Variants in STPG2 observed in about 807,000 individuals in gnomAD.
STPG2 encodes sperm-tail PG-rich repeat-containing protein 2.
A neutral mutation model predicts 54.2 loss-of-function variants in STPG2; 56 were observed. The ratio of observed to expected loss-of-function variants is 1.03; its 90% CI spans 0.83 to 1.29. STPG2 has a LOEUF of 1.29. Ranked by LOEUF, STPG2 falls within the 50% of genes most tolerant of loss-of-function variation. STPG2 has a pLI of 0.00. For synonymous variants in STPG2, 200 were observed against 181.8 expected, an observed-to-expected ratio of 1.10 and a Z score of -0.81; for missense variants, 596 against 544.9, an observed-to-expected ratio of 1.09 and a Z score of -0.93.
chr4:97,923,464 G>A (rs1337899018), intron 8 of STPG2, among the ~76,000 whole-genome samples: 1 of 152,260 alleles, frequency 6.6e-6, no homozygotes, highest in Non-Finnish European at 1.5e-5. Flanking sequence ...TGGATCCACT[G>A]GATGAAGCCA....
At chr4:97,676,576 A>AGG (rs1722857546) in intron 10 of STPG2, among the ~76,000 whole-genome samples, 1 of 113,472 alleles carries the variant, frequency 8.8e-6, no homozygotes, top group Admixed American at 1.1e-4. Flanking sequence ...GAAGGAAGGA[A>AGG]AGGAGGGAGG....
At chr4:97,870,604 G>T (rs914200575) in intron 8 of STPG2, among the ~76,000 whole-genome samples, 5 of 151,160 alleles carry the variant, frequency 3.3e-5, no homozygotes, top group African/African-American at 4.8e-5. Flanking sequence ...GGGCTAAAAG[G>T]CAATCTACTA....
At chr4:97,908,705 G>T (rs973107513) in intron 8 of STPG2, among the ~76,000 whole-genome samples, 3 of 151,812 alleles carry the variant, frequency 2.0e-5, no homozygotes, top group Non-Finnish European at 4.4e-5. Context: ...ATGAGTACAT[G>T]TCCTTTGTAG....
At chr4:98,104,250 T>A (rs1009104753) in intron 5 of STPG2, among the ~76,000 whole-genome samples, 6 of 152,130 alleles carry the variant, frequency 3.9e-5, no homozygotes, top group South Asian at 2.1e-4. Context: ...AGCCAAAAAA[T>A]TTGGAATTTA....
chr4:97,989,196 G>A (rs552698626), intron 5 of STPG2, among the ~76,000 whole-genome samples: 2 of 152,076 alleles, frequency 1.3e-5, no homozygotes, highest in African/African-American at 4.8e-5. Context: ...GTTAAGTTCA[G>A]AAGAAAAGAA....
At chr4:97,585,519 T>G (rs1732975508) in intron 10 of STPG2, among the ~76,000 whole-genome samples, 1 of 151,930 alleles carries the variant, frequency 6.6e-6, no homozygotes, top group Non-Finnish European at 1.5e-5. Context: ...AAAAAACTAA[T>G]GTGGCCAAAG....
At chr4:98,126,199 T>C (rs1474716507) in intron 3 of STPG2, among the ~76,000 whole-genome samples, 2 of 152,140 alleles carry the variant, frequency 1.3e-5, no homozygotes, top group Non-Finnish European at 2.9e-5. Context: ...TTCCCTGGCT[T>C]CAGCCCCCTT....
intron 9 of STPG2, among the ~76,000 whole-genome samples, chr4:97,725,258 T>C (rs1281225555): frequency 6.6e-6 from 1 of 151,946 alleles, no homozygotes; most frequent in East Asian, 1.9e-4. Flanking sequence ...TCAGAACTGT[T>C]GCTGAAAGGG....
intron 5 of STPG2, among the ~76,000 whole-genome samples, chr4:98,057,835 C>A (rs988280306): frequency 2.0e-5 from 3 of 152,116 alleles, no homozygotes; most frequent in Non-Finnish European, 4.4e-5. Context: ...AAGGGAAGTC[C>A]ATCAGACTAA....
intron 10 of STPG2, among the ~76,000 whole-genome samples, chr4:97,680,824 T>G (rs1454671478): frequency 6.6e-6 from 1 of 151,934 alleles, no homozygotes; most frequent in Non-Finnish European, 1.5e-5. Context: ...CATGAAGACC[T>G]GAATAATAAC....
intron 9 of STPG2, among the ~76,000 whole-genome samples, chr4:97,791,386 G>A (rs550706796): frequency 1.3e-5 from 2 of 152,152 alleles, no homozygotes; most frequent in South Asian, 2.1e-4. Flanking sequence ...AAATTGCTAC[G>A]AGTATGACTA....
chr4:97,749,951 T>C (rs1044744237), intron 9 of STPG2, among the ~76,000 whole-genome samples: 4 of 151,788 alleles, frequency 2.6e-5, no homozygotes, highest in Non-Finnish European at 5.9e-5. Context: ...CAGGTTTTGC[T>C]TCTGCCAAGC....
chr4:98,105,035 G>C (rs1830230), intron 5 of STPG2, among the ~76,000 whole-genome samples: 59,863 of 151,754 alleles, frequency 0.39, 11,997 homozygotes, highest in African/African-American at 0.45. Context: ...ATACTTCAAA[G>C]ACTCATACGC....
intron 4 of STPG2, among the ~76,000 whole-genome samples, chr4:97,506,161 T>C (rs956431141): frequency 6.6e-6 from 1 of 151,632 alleles, no homozygotes; most frequent in African/African-American, 2.4e-5. Context: ...ACTGACTGGA[T>C]TGAGGTAATC....
intron 5 of STPG2, among the ~76,000 whole-genome samples, chr4:98,072,570 T>TTAAAATAAAATAA (rs1553939178): frequency 4.8e-5 from 7 of 145,002 alleles, no homozygotes; most frequent in South Asian, 2.2e-4. Context: ...GAAGGGAAAA[T>TTAAAATAAAATAA]AATAAAATAA....
chr4:97,657,904 T>G (rs535365210), intron 10 of STPG2, among the ~76,000 whole-genome samples: 2 of 152,228 alleles, frequency 1.3e-5, no homozygotes, highest in African/African-American at 4.8e-5. Context: ...TAGTTTTCAC[T>G]TTGTAGAGGT....
At chr4:97,957,871 G>C (rs1160715612) in intron 7 of STPG2, among the ~76,000 whole-genome samples, 1 of 152,106 alleles carries the variant, frequency 6.6e-6, no homozygotes, top group East Asian at 1.9e-4. Context: ...CAAATGCTGA[G>C]AGAATTTGCC....
chr4:97,747,761 A>G (rs1725464638), intron 9 of STPG2, among the ~76,000 whole-genome samples: 1 of 151,452 alleles, frequency 6.6e-6, no homozygotes, highest in Non-Finnish European at 1.5e-5. Flanking sequence ...AAATAGGAAT[A>G]TAAATTTAAA....
chr4:97,867,557 C>T (rs186696053), intron 8 of STPG2, among the ~76,000 whole-genome samples: 153 of 152,136 alleles, frequency 1.0e-3, no homozygotes, highest in African/African-American at 3.6e-3. Context: ...TTAACTTTCT[C>T]CTTGCCTTTT....
Sources: allele counts gnomAD v4.1 joint callset (sites outside exome capture counted in the v4.1 genomes callset), GRCh38; gene constraint gnomAD v4.1.1; transcripts MANE v1.5; gene names NCBI Gene and HGNC (gene_info 2026-07-23, HGNC 2026-07-21).